Variants in MTRES1 observed in about 807,000 individuals in gnomAD.
MTRES1 encodes the protein uncharacterized protein C6orf203.
A neutral mutation model predicts 17.4 loss-of-function variants in MTRES1; 11 were observed. The ratio of observed to expected loss-of-function variants is 0.63; its 90% CI spans 0.40 to 1.05. The LOEUF (loss-of-function observed/expected upper bound fraction) is 1.05, where lower values mean the gene tolerates loss of function less well. MTRES1 is among the 50% of genes least tolerant of loss of function. The pLI is 0.00. For synonymous variants in MTRES1, 94 were observed against 99.6 expected, an observed-to-expected ratio of 0.94 and a Z score of 0.34; for missense variants, 268 against 276.2, an observed-to-expected ratio of 0.97 and a Z score of 0.21.
chr6:107,041,224 CAAAAAA>C (rs55820077), intron 2 of MTRES1, among the ~76,000 whole-genome samples: 5 of 122,870 alleles, frequency 4.1e-5, no homozygotes, highest in Admixed American at 1.6e-4. Context: ...GACTCCGTCT[CAAAAAA>C]AAAAAAAAAA....
intron 3 of MTRES1, among the ~76,000 whole-genome samples, chr6:107,048,778 C>CA (rs10599769): frequency 9.7e-5 from 11 of 112,890 alleles, no homozygotes; most frequent in African/African-American, 3.1e-4. Flanking sequence ...GACTCCATGT[C>CA]AAAAAAAAAA....
chr6:107,042,875 A>C (rs1274850966), intron 2 of MTRES1, among the ~76,000 whole-genome samples: 3 of 152,132 alleles, frequency 2.0e-5, no homozygotes, highest in African/African-American at 4.8e-5. Context: ...AACCTTTCTT[A>C]AGGCTCCAAT....
chr6:107,041,088 T>C (rs782749334), intron 2 of MTRES1, among the ~76,000 whole-genome samples: 14 of 144,464 alleles, frequency 9.7e-5, no homozygotes, highest in East Asian at 8.6e-4. Context: ...TAGCCAGGCG[T>C]GGTGGCAGGC....
intron 1 of MTRES1, among the ~76,000 whole-genome samples, chr6:107,039,496 T>G (rs1554227306): frequency 6.6e-6 from 1 of 151,890 alleles, no homozygotes; most frequent in Non-Finnish European, 1.5e-5. Flanking sequence ...ATTTTTGTAT[T>G]TTTAGTAGAG....
In MTRES1 at chr6:107,047,006, G is replaced by T. The variant is rs1554228487; in HGVS notation, c.543+2674G>T. Among the ~76,000 whole-genome samples the T allele has an allele frequency of 2.0e-5, 3 of 151,278 alleles. No homozygotes were observed. The Admixed American group carries it at 2.0e-4, about 10-fold the overall frequency. ...TTTAGTAGAGACGGGGTTTCACTGT[G>T]TTAGCCAGGATGGTCTCGATCTCCT... On this transcript the variant is annotated intron_variant, in intron 3 of 3. Coordinates refer to ENST00000311381, the MANE Select transcript of MTRES1 (RefSeq NM_016487.5).
intron 3 of MTRES1, among the ~76,000 whole-genome samples, chr6:107,048,509 C>T (rs139666830): frequency 0.012 from 1,881 of 151,072 alleles, 37 homozygotes; most frequent in African/African-American, 0.043. Context: ...GGGTTGGGCG[C>T]GGTGGCTCAC....
At chr6:107,037,182 G>A (rs963742931) in intron 1 of MTRES1, among the ~76,000 whole-genome samples, 7 of 152,170 alleles carry the variant, frequency 4.6e-5, no homozygotes, top group African/African-American at 1.7e-4. Context: ...CACGATCTCA[G>A]CTCACTGCAA....
chr6:107,050,372 T>A (rs982426150), intron 3 of MTRES1, among the ~76,000 whole-genome samples: 2 of 152,124 alleles, frequency 1.3e-5, no homozygotes, highest in East Asian at 3.9e-4. Flanking sequence ...ACTTTCTTTG[T>A]CTTTTGCCAG....
intron 3 of MTRES1, 49 bp downstream of exon 3, chr6:107,044,381 T>A: frequency 1.4e-6 from 2 of 1,439,568 alleles, no homozygotes; most frequent in Non-Finnish European, 2.0e-6. Context: ...TCTCTTACTC[T>A]GCTAGTAACT....
At chr6:107,038,135 A>G (rs1260798624) in intron 1 of MTRES1, among the ~76,000 whole-genome samples, 1 of 152,160 alleles carries the variant, frequency 6.6e-6, no homozygotes, top group Non-Finnish European at 1.5e-5. Flanking sequence ...GGATTAATAG[A>G]GTTGAGACTG....
chr6:107,031,190 G>C (rs1223339757), intron 1 of MTRES1, among the ~76,000 whole-genome samples: 1 of 151,756 alleles, frequency 6.6e-6, no homozygotes, highest in Non-Finnish European at 1.5e-5. Flanking sequence ...GACCAGCCTG[G>C]CCAAGGTGGT....
At chr6:107,050,996 G>A (rs1774584740) in intron 3 of MTRES1, 61 bp from the exon 4 acceptor site, 4 of 1,391,036 alleles carry the variant, frequency 2.9e-6, no homozygotes, top group Admixed American at 1.8e-5. Flanking sequence ...GAGCAGTAAT[G>A]TTTGCATTGG....
chr6:107,033,796 C>T (rs560085603), intron 1 of MTRES1, among the ~76,000 whole-genome samples: 135 of 152,056 alleles, frequency 8.9e-4, no homozygotes, highest in African/African-American at 3.1e-3. Flanking sequence ...CCAGCCTGGG[C>T]GACAGAACAA....
rs543156685 is a variant in MTRES1, at chr6:107,036,627, A to C, written c.-12-3122A>C. On this transcript the variant is annotated intron_variant, in intron 1 of 3. Coordinates refer to ENST00000311381, the MANE Select transcript of MTRES1 (RefSeq NM_016487.5). ...GGGAGGCCGACGCAGGCAGATCACG[A>C]GGTCAGGAGATCGAGACCATCCTGT... 2.0e-5 allele frequency among the ~76,000 whole-genome samples: 3 copies of C among 152,222 alleles called. No individual in the cohort carries two copies. The East Asian group carries it at 5.8e-4, about 29-fold the overall frequency.
At chr6:107,032,690 C>T (rs1262460888) in intron 1 of MTRES1, among the ~76,000 whole-genome samples, 1 of 151,968 alleles carries the variant, frequency 6.6e-6, no homozygotes, top group Non-Finnish European at 1.5e-5. Flanking sequence ...GGTGACAGTG[C>T]AAGACTCCAT....
At chr6:107,046,614 T>G (rs1335858387) in intron 3 of MTRES1, among the ~76,000 whole-genome samples, 1 of 152,108 alleles carries the variant, frequency 6.6e-6, no homozygotes, top group Non-Finnish European at 1.5e-5. Context: ...TGGAGGGGAA[T>G]AAAGAATGCC....
In MTRES1 at chr6:107,038,880, C is replaced by T. The variant is rs190886712; in HGVS notation, c.-12-869C>T. ...GACCAGCCTGACCACCGTGTAGAAA[C>T]CCCATCTCTACTAAAAATACAAAAT... On this transcript the variant is annotated intron_variant, in intron 1 of 3. Coordinates refer to ENST00000311381, the MANE Select transcript of MTRES1 (RefSeq NM_016487.5). Among the ~76,000 whole-genome samples the T allele has an allele frequency of 4.4e-3, 663 of 152,162 alleles. 1 individual carries two copies. The highest frequency in any genetic ancestry group is 0.015 in the African/African-American group (634 of 41,516).
intron 3 of MTRES1, among the ~76,000 whole-genome samples, chr6:107,047,527 C>G (rs1472420185): frequency 1.3e-5 from 2 of 152,064 alleles, no homozygotes; most frequent in African/African-American, 4.8e-5. Flanking sequence ...GCCTATACAC[C>G]TTTTCTTTGT....
Position 107,045,265 on chromosome 6 carries a change from A to C in MTRES1, c.543+933A>C, listed in dbSNP as rs553354354. ...GGGAGGCCGAGTCAGGTGGATCACGAGGTCAGGAGATCGAGACCATCCTGG... is the reference window on the plus strand; with the variant it reads ...GGGAGGCCGAGTCAGGTGGATCACGCGGTCAGGAGATCGAGACCATCCTGG... On this transcript the variant is annotated intron_variant, in intron 3 of 3. Transcript: ENST00000311381. Among the ~76,000 whole-genome samples, 19 of 152,162 alleles carry C rather than the reference A, an allele frequency of 1.2e-4. No individual in the cohort carries two copies. The South Asian group carries it at 2.9e-3, about 23-fold the overall frequency.
Sources: gnomAD v4.1 joint callset for allele counts (sites outside exome capture counted in the v4.1 genomes callset) on GRCh38, gnomAD v4.1.1 for gene constraint, MANE v1.5 for transcripts, NCBI Gene and HGNC (gene_info 2026-07-23, HGNC 2026-07-21) for gene names.